HSPA12A: variants seen among roughly 807,000 people sequenced by gnomAD.
HSPA12A encodes heat shock 70 kDa protein 12A.
Under a neutral mutation model 69.2 loss-of-function variants are expected in HSPA12A, and 28 were observed. That is an observed-to-expected ratio of 0.40 (90% CI 0.30 to 0.55). The LOEUF (loss-of-function observed/expected upper bound fraction) is 0.55. Ranked by LOEUF, HSPA12A falls within the 20% of genes least tolerant of loss-of-function variation. The pLI is 0.38. For synonymous variants in HSPA12A, 345 were observed against 370.5 expected (o/e 0.93, Z 0.79); for missense variants, 686 against 900.7 (o/e 0.76, Z 3.05).
In HSPA12A at chr10:116,773,653, A is replaced by C. The variant is rs73380895; in HGVS notation, c.91+61282T>G. ...CAGCTCACAGTGGGGGCCTCAGCCA[A>C]GGGTTGTCAACTGCAGCCTGAGAAA... On this transcript the variant is annotated intron_variant, in intron 2 of 12. Transcript: ENST00000635765. Among the ~76,000 whole-genome samples, 1,394 of 152,336 alleles carry C rather than the reference A, an allele frequency of 9.2e-3. 19 individuals carry two copies. The highest frequency in any genetic ancestry group is 0.032 in the African/African-American group (1,329 of 41,578).
At chr10:116,787,778 G>A (rs1362328581) in intron 2 of HSPA12A, among the ~76,000 whole-genome samples, 1 of 152,220 alleles carries the variant, frequency 6.6e-6, no homozygotes, top group Admixed American at 6.5e-5. Context: ...GGAAAGAAGG[G>A]AAGAGAGTGC....
chr10:116,682,455 TG>T (rs782049148), intron 7 of HSPA12A, among the ~76,000 whole-genome samples: 3,690 of 127,162 alleles, frequency 0.029, 114 homozygotes, highest in African/African-American at 0.066. Context: ...GTAAATAGAC[TG>T]GGGGGGGGGG....
chr10:116,809,171 C>G (rs934471347), intron 2 of HSPA12A, among the ~76,000 whole-genome samples: 58 of 152,148 alleles, frequency 3.8e-4, no homozygotes, highest in African/African-American at 1.4e-3. Flanking sequence ...GCACCTGGCT[C>G]AGGGGCAGAG....
chr10:116,850,099 C>T (rs919004064), upstream of HSPA12A: 5 of 369,804 alleles, frequency 1.4e-5, no homozygotes, highest in Admixed American at 1.3e-4. Context: ...ACCTTAATGC[C>T]CTCAGCTCAG....
upstream of HSPA12A, chr10:116,849,967 C>G (rs779354732): frequency 4.3e-6 from 3 of 695,704 alleles, no homozygotes; most frequent in South Asian, 3.0e-5. Context: ...AAAGAGGGCG[C>G]TAGGCGTATT....
upstream of HSPA12A, among the ~76,000 whole-genome samples, chr10:116,743,627 C>T (rs1311936872): frequency 6.6e-6 from 1 of 152,348 alleles, no homozygotes; most frequent in East Asian, 1.9e-4. Context: ...AGATGGGTGG[C>T]ATTTCCCAAA....
chr10:116,735,463 T>G (rs1851285474), intron 1 of HSPA12A, among the ~76,000 whole-genome samples: 1 of 152,162 alleles, frequency 6.6e-6, no homozygotes, highest in African/African-American at 2.4e-5. Flanking sequence ...TCTCATCCTC[T>G]TGCTGTCCTG....
At chr10:116,750,056 G>A (rs899356404) in intron 2 of HSPA12A, 6 of 308,098 alleles carry the variant, frequency 1.9e-5, no homozygotes, top group Admixed American at 1.2e-4. Flanking sequence ...CAGGATGATC[G>A]CTCACATAAC....
chr10:116,804,597 TG>T (rs1845029594), intron 2 of HSPA12A, among the ~76,000 whole-genome samples: 1 of 152,026 alleles, frequency 6.6e-6, no homozygotes, highest in African/African-American at 2.4e-5. Context: ...GGAACATTAG[TG>T]GGAGGAAATG....
At position 116,672,962 on chromosome 10, in the gene HSPA12A, C is replaced by T. The variant is rs1589614282; in HGVS notation, c.*1819G>A. On this transcript the variant is annotated 3_prime_UTR_variant, in exon 12 of 12. Transcript: ENST00000369209. The stretch of plus-strand genomic sequence containing the variant: ...GTAGGGAATTCTGCAGCAGGCGATG[C>T]GAAAAAGAAGACATGGTCAAATGAA... The T allele has an allele frequency of 6.6e-6, 1 of 152,426 alleles. No individual in the cohort carries two copies. Among genetic ancestry groups the T allele is most frequent in the African/African-American group, 2.4e-5 (1 of 41,360 alleles). 9.4% of individuals were successfully genotyped at this position (152,426 alleles called of 1,614,324 possible).
chr10:116,814,640 G>T (rs1385373636), intron 2 of HSPA12A, among the ~76,000 whole-genome samples: 1 of 152,184 alleles, frequency 6.6e-6, no homozygotes, highest in African/African-American at 2.4e-5. Context: ...GTGTCCTAGT[G>T]GAAAGGCCAG....
intron 5 of HSPA12A, among the ~76,000 whole-genome samples, chr10:116,694,054 C>CT (rs782195500): frequency 2.0e-5 from 3 of 152,182 alleles, no homozygotes; most frequent in Non-Finnish European, 2.9e-5. Context: ...ATTTTAAACT[C>CT]TTTAAAAGGA....
chr10:116,826,124 C>G (rs1220011310), intron 2 of HSPA12A, among the ~76,000 whole-genome samples: 2 of 152,112 alleles, frequency 1.3e-5, no homozygotes, highest in Admixed American at 1.3e-4. Flanking sequence ...CCCAATAACT[C>G]CTATGCACCT....
intron 2 of HSPA12A, among the ~76,000 whole-genome samples, chr10:116,789,661 T>G (rs2133150073): frequency 6.6e-6 from 1 of 152,314 alleles, no homozygotes; most frequent in South Asian, 2.1e-4. Flanking sequence ...AGTAAATTCC[T>G]AGGCATGGAA....
chr10:116,732,719 A>C (rs1554885980), intron 1 of HSPA12A, among the ~76,000 whole-genome samples: 4 of 152,222 alleles, frequency 2.6e-5, no homozygotes, highest in Admixed American at 2.6e-4. Flanking sequence ...ACTTTTTTAA[A>C]ATGTAACTCC....
chr10:116,709,842 T>A (rs1373494329), intron 1 of HSPA12A, among the ~76,000 whole-genome samples: 2 of 152,198 alleles, frequency 1.3e-5, no homozygotes, highest in Admixed American at 6.5e-5. Context: ...ATGGTTTAAG[T>A]GGCAAATTTT....
intron 1 of HSPA12A, among the ~76,000 whole-genome samples, chr10:116,843,780 C>T (rs1489025420): frequency 6.6e-6 from 1 of 152,208 alleles, no homozygotes; most frequent in East Asian, 1.9e-4. Flanking sequence ...GCATGGGCCC[C>T]ACCCTCTGGA....
rs146210065 is a variant in HSPA12A, at chr10:116,822,159, A to G, written c.91+12776T>C. Among the ~76,000 whole-genome samples the G allele has an allele frequency of 4.3e-4, 66 of 152,290 alleles. 1 individual carries two copies. In the East Asian group the frequency reaches 0.012, roughly 28 times the overall value. The stretch of plus-strand genomic sequence containing the variant: ...GATAACTGAGTTTCTTCTCACTTCC[A>G]CACTTGCTCAAGTCTTTGTCCATAC... On this transcript the variant is annotated intron_variant, in intron 2 of 12. Transcript: ENST00000635765.
intron 2 of HSPA12A, among the ~76,000 whole-genome samples, chr10:116,772,270 G>C (rs1242369354): frequency 1.3e-5 from 2 of 152,128 alleles, no homozygotes; most frequent in Non-Finnish European, 2.9e-5. Flanking sequence ...GCTGATCTTG[G>C]ATCCTGTGTA....
Sources: gnomAD v4.1 joint callset for allele counts (sites outside exome capture counted in the v4.1 genomes callset) on GRCh38, gnomAD v4.1.1 for gene constraint, MANE v1.5 for transcripts, NCBI Gene and HGNC (gene_info 2026-07-23, HGNC 2026-07-21) for gene names.